Variants in ATP2B2 observed in about 807,000 individuals in gnomAD.
The protein encoded by ATP2B2 is plasma membrane calcium-transporting ATPase 2.
ATP2B2 carries 15 observed loss-of-function variants against 120.0 expected under a neutral mutation model. The ratio of observed to expected loss-of-function variants is 0.12; its 90% CI spans 0.08 to 0.19. The LOEUF is 0.19. ATP2B2 is among the 10% of genes least tolerant of loss of function. The pLI is 1.00. For missense variants in ATP2B2, 1,045 were observed against 1,719.8 expected, an observed-to-expected ratio of 0.61 and a Z score of 6.94; for synonymous variants, 694 against 700.3, an observed-to-expected ratio of 0.99 and a Z score of 0.14.
chr3:10,675,173 A>T (rs2071210193), intron 1 of ATP2B2, among the ~76,000 whole-genome samples: 1 of 152,260 alleles, frequency 6.6e-6, no homozygotes, highest in Non-Finnish European at 1.5e-5. Context: ...CATTCAGAAA[A>T]GTGACTAGAT....
intron 2 of ATP2B2, among the ~76,000 whole-genome samples, chr3:10,565,443 T>C (rs892241967): frequency 1.3e-5 from 2 of 152,216 alleles, no homozygotes; most frequent in Non-Finnish European, 1.5e-5. Flanking sequence ...CTCTGGAATC[T>C]GTTTTGCTTC....
intron 2 of ATP2B2, among the ~76,000 whole-genome samples, chr3:10,565,322 G>A (rs114277160): frequency 6.6e-6 from 1 of 152,140 alleles, no homozygotes; most frequent in East Asian, 1.9e-4. Context: ...AGCACAGCTT[G>A]GGAAGGTAAA....
At chr3:10,672,562 G>T (rs555632498) in intron 1 of ATP2B2, among the ~76,000 whole-genome samples, 17 of 152,292 alleles carry the variant, frequency 1.1e-4, no homozygotes, top group African/African-American at 3.6e-4. Context: ...TAATTATTAC[G>T]CATGCCATTC....
chr3:10,642,343 T>G (rs2070196259), intron 1 of ATP2B2, among the ~76,000 whole-genome samples: 1 of 152,238 alleles, frequency 6.6e-6, no homozygotes, highest in Non-Finnish European at 1.5e-5. Context: ...GCCATTAGTG[T>G]TGACCCAAGA....
chr3:10,599,282 C>T (rs1000860934), intron 2 of ATP2B2, among the ~76,000 whole-genome samples: 1 of 152,212 alleles, frequency 6.6e-6, no homozygotes, highest in African/African-American at 2.4e-5. Context: ...TGGGCTTCAC[C>T]TGTTTCCACT....
chr3:10,435,210 C>G (rs576720559), intron 2 of ATP2B2, among the ~76,000 whole-genome samples: 6 of 152,322 alleles, frequency 3.9e-5, no homozygotes, highest in South Asian at 2.1e-4. Context: ...TGGTCACCCC[C>G]CAACCGGACC....
At chr3:10,607,682 AG>A (rs1209657745) in intron 2 of ATP2B2, among the ~76,000 whole-genome samples, 2 of 152,256 alleles carry the variant, frequency 1.3e-5, no homozygotes, top group African/African-American at 2.4e-5. Context: ...TTAGATGGAA[AG>A]GGGGTGCAAC....
intron 16 of ATP2B2, 105 bp downstream of exon 16, chr3:10,350,007 G>A (rs1333649077): frequency 8.4e-6 from 10 of 1,185,616 alleles, no homozygotes; most frequent in South Asian, 5.3e-5. Context: ...TCAGGGGCGA[G>A]GGGCCCTTCC....
At chr3:10,377,531 G>A (rs111848043) in intron 10 of ATP2B2, among the ~76,000 whole-genome samples, 1,777 of 152,352 alleles carry the variant, frequency 0.012, 33 homozygotes, top group African/African-American at 0.041. Flanking sequence ...AGCCTAGGCC[G>A]TGCCAGAGGG....
intron 1 of ATP2B2, among the ~76,000 whole-genome samples, chr3:10,454,819 C>T (rs867499288): frequency 6.6e-6 from 1 of 152,218 alleles, no homozygotes; most frequent in Non-Finnish European, 1.5e-5. Context: ...TCTTCACTAC[C>T]TGGGCCTTTG....
rs186043145 is a variant in ATP2B2, at chr3:10,670,951, G to A, written c.-460+36964C>T. On this transcript the variant is annotated intron_variant, in intron 1 of 21. Coordinates refer to the ATP2B2 transcript ENST00000646379. ...ACTACAGACATCCAAAGGAGAGCTG[G>A]CTTTGGTGCATGGAGGCTGTAAAAG... Among the ~76,000 whole-genome samples, 279 of 152,342 alleles carry A rather than the reference G, an allele frequency of 1.8e-3. 1 individual carries two copies. The highest frequency in any genetic ancestry group is 6.4e-3 in the African/African-American group (266 of 41,572).
At chr3:10,509,357 C>T (rs892728450), upstream of ATP2B2, among the ~76,000 whole-genome samples, 3 of 152,146 alleles carry the variant, frequency 2.0e-5, no homozygotes, top group African/African-American at 7.2e-5. Context: ...TGGGGCAGCT[C>T]TCAGGTCACT....
intron 11 of ATP2B2, among the ~76,000 whole-genome samples, chr3:10,372,731 CT>C (rs201492195): frequency 2.6e-5 from 4 of 151,266 alleles, no homozygotes; most frequent in African/African-American, 9.7e-5. Flanking sequence ...TATCAACATC[CT>C]TTTTTTTTGA....
upstream of ATP2B2, among the ~76,000 whole-genome samples, chr3:10,509,343 G>A (rs1451134604): frequency 6.6e-6 from 1 of 152,192 alleles, no homozygotes; most frequent in Admixed American, 6.5e-5. Context: ...CTGGGTAGGA[G>A]TTCTGGGGCA....
At chr3:10,656,209 G>T in intron 1 of ATP2B2, among the ~76,000 whole-genome samples, 1 of 152,150 alleles carries the variant, frequency 6.6e-6, no homozygotes, top group East Asian at 1.9e-4. Context: ...TTGATGTGTG[G>T]GAAGGTGTGA....
chr3:10,426,853 G>T (rs571169559), intron 2 of ATP2B2, among the ~76,000 whole-genome samples: 1 of 151,464 alleles, frequency 6.6e-6, no homozygotes, highest in Admixed American at 6.6e-5. Flanking sequence ...AGAATTTTGC[G>T]GGGGATAGGA....
At chr3:10,532,496 C>T (rs377207208) in intron 3 of ATP2B2, among the ~76,000 whole-genome samples, 6 of 152,184 alleles carry the variant, frequency 3.9e-5, no homozygotes, top group South Asian at 2.1e-4. Flanking sequence ...AGGAGAGGAG[C>T]GACGTCACCG....
At chr3:10,581,595 G>A (rs2068391687) in intron 2 of ATP2B2, among the ~76,000 whole-genome samples, 1 of 152,224 alleles carries the variant, frequency 6.6e-6, no homozygotes, top group South Asian at 2.1e-4. Context: ...GAAGGGAAAT[G>A]CTGCAGAAAA....
chr3:10,563,041 T>C (rs1167970144), intron 2 of ATP2B2, among the ~76,000 whole-genome samples: 1 of 152,258 alleles, frequency 6.6e-6, no homozygotes, highest in Non-Finnish European at 1.5e-5. Context: ...TTTTCAACTT[T>C]GTCATATTGT....
Sources: gnomAD v4.1 joint callset for allele counts (sites outside exome capture counted in the v4.1 genomes callset) on GRCh38, gnomAD v4.1.1 for gene constraint, MANE v1.5 for transcripts, NCBI Gene and HGNC (gene_info 2026-07-23, HGNC 2026-07-21) for gene names.